Variants in MAN1A2 observed in about 807,000 individuals in gnomAD.
The protein encoded by MAN1A2 is mannosyl-oligosaccharide 1,2-alpha-mannosidase IB.
MAN1A2 carries 26 observed loss-of-function variants against 75.7 expected under a neutral mutation model. The ratio of observed to expected loss-of-function variants is 0.34; its 90% CI spans 0.25 to 0.48. The LOEUF is 0.48. MAN1A2 is among the 20% of genes least tolerant of loss of function. The pLI is 0.99. For synonymous variants in MAN1A2, 247 were observed against 264.6 expected, an observed-to-expected ratio of 0.93 and a Z score of 0.65; for missense variants, 562 against 775.5, an observed-to-expected ratio of 0.72 and a Z score of 3.27.
intron 8 of MAN1A2, among the ~76,000 whole-genome samples, chr1:117,479,777 A>AT (rs199787157): frequency 0.022 from 3,235 of 149,288 alleles, 117 homozygotes; most frequent in African/African-American, 0.074. Context: ...ATTGTGCATT[A>AT]TTTTTTTTTG....
At chr1:117,416,147 G>C (rs1164110293) in intron 4 of MAN1A2, among the ~76,000 whole-genome samples, 2 of 151,896 alleles carry the variant, frequency 1.3e-5, no homozygotes, top group Admixed American at 6.6e-5. Flanking sequence ...GGATGAAGTA[G>C]GCCACTATTA....
intron 6 of MAN1A2, among the ~76,000 whole-genome samples, chr1:117,446,679 A>C (rs903188522): frequency 6.6e-6 from 1 of 151,384 alleles, no homozygotes; most frequent in African/African-American, 2.5e-5. Context: ...ATTTATTACA[A>C]CTTGTTTATA....
At chr1:117,439,562 C>G (rs192028238) in intron 5 of MAN1A2, among the ~76,000 whole-genome samples, 1 of 151,660 alleles carries the variant, frequency 6.6e-6, no homozygotes. Flanking sequence ...GGCGTGATCT[C>G]GGTTCACTGC....
intron 2 of MAN1A2, among the ~76,000 whole-genome samples, chr1:117,405,335 CTT>C (rs775699787): frequency 3.3e-5 from 5 of 151,914 alleles, no homozygotes; most frequent in Admixed American, 1.3e-4. Context: ...AGAAAGAAGA[CTT>C]TTCTATTATG....
chr1:117,464,242 C>G (rs570596923), intron 7 of MAN1A2, among the ~76,000 whole-genome samples: 8 of 151,686 alleles, frequency 5.3e-5, no homozygotes, highest in Non-Finnish European at 1.0e-4. Flanking sequence ...CCTGTACTCC[C>G]CAGCTACTTG....
intron 8 of MAN1A2, among the ~76,000 whole-genome samples, chr1:117,474,014 C>T (rs1191782137): frequency 2.0e-5 from 3 of 151,790 alleles, no homozygotes; most frequent in African/African-American, 2.4e-5. Flanking sequence ...ATGGTGAAAA[C>T]GGTAAATTTG....
At chr1:117,480,334 C>T (rs972318789) in intron 8 of MAN1A2, among the ~76,000 whole-genome samples, 1 of 151,852 alleles carries the variant, frequency 6.6e-6, no homozygotes, top group Admixed American at 6.6e-5. Flanking sequence ...GTGCCTTTGC[C>T]TGAAAATTTT....
intron 1 of MAN1A2, among the ~76,000 whole-genome samples, chr1:117,371,407 G>C (rs146459739): frequency 1.3e-5 from 2 of 152,150 alleles, no homozygotes; most frequent in Non-Finnish European, 2.9e-5. Context: ...TGAATGTTAC[G>C]AAGTTGTACT....
At chr1:117,436,227 C>T (rs1316157007) in intron 5 of MAN1A2, among the ~76,000 whole-genome samples, 1 of 152,146 alleles carries the variant, frequency 6.6e-6, no homozygotes, top group East Asian at 1.9e-4. Context: ...ATAGAGGTGG[C>T]TCCTACAGGA....
chr1:117,511,958 GT>G (rs1380150675), intron 12 of MAN1A2, among the ~76,000 whole-genome samples: 2 of 152,072 alleles, frequency 1.3e-5, no homozygotes, highest in African/African-American at 4.8e-5. Context: ...AGTATTAAAT[GT>G]TTGCTGAATA....
At chr1:117,379,578 C>T (rs1653263814) in intron 1 of MAN1A2, among the ~76,000 whole-genome samples, 1 of 152,124 alleles carries the variant, frequency 6.6e-6, no homozygotes, top group Admixed American at 6.5e-5. Flanking sequence ...AGTTCAAAAG[C>T]ATTTTCATTA....
chr1:117,417,554 TATATGTG>T (rs1648039049), intron 4 of MAN1A2, among the ~76,000 whole-genome samples: 1 of 142,560 alleles, frequency 7.0e-6, no homozygotes, highest in African/African-American at 2.6e-5. Context: ...TATATATATA[TATATGTG>T]ATATATATGT....
At chr1:117,392,896 G>A (rs1179351242) in intron 1 of MAN1A2, among the ~76,000 whole-genome samples, 1 of 152,204 alleles carries the variant, frequency 6.6e-6, no homozygotes, top group African/African-American at 2.4e-5. Flanking sequence ...ATAAAAGCTT[G>A]AGGTTCTGTG....
At chr1:117,487,333 G>T (rs753810095) in intron 8 of MAN1A2, among the ~76,000 whole-genome samples, 24 of 152,008 alleles carry the variant, frequency 1.6e-4, no homozygotes, top group Admixed American at 5.3e-4. Flanking sequence ...CCTAGAAAAT[G>T]ACCAGATTGG....
intron 3 of MAN1A2, among the ~76,000 whole-genome samples, chr1:117,408,800 C>T (rs1316008533): frequency 6.6e-6 from 1 of 151,274 alleles, no homozygotes; most frequent in Non-Finnish European, 1.5e-5. Context: ...GGTTTTTAAA[C>T]TACAAACTTA....
rs200021453 is a variant in MAN1A2 at position 117,402,461 on chromosome 1, G to A, written c.558+20G>A. On this transcript the variant is annotated intron_variant, in intron 2 of 12. Transcript: ENST00000356554. The stretch of plus-strand genomic sequence containing the variant: ...AAAGAGGTAATAAGCTGAGTTTTGT[G>A]ATATGGAGTGTTTATGGATTTGTAT... 1 of 1,568,808 alleles carries A rather than the reference G, an allele frequency of 6.4e-7. No homozygotes were observed. The highest frequency in any genetic ancestry group is 2.2e-5 in the East Asian group (1 of 44,656).
At chr1:117,419,879 A>G (rs1237492994) in intron 4 of MAN1A2, among the ~76,000 whole-genome samples, 2 of 151,954 alleles carry the variant, frequency 1.3e-5, no homozygotes, top group South Asian at 2.1e-4. Flanking sequence ...CATGTCTGTC[A>G]TCAATTTATC....
At chr1:117,457,741 C>T (rs1356364448) in intron 6 of MAN1A2, among the ~76,000 whole-genome samples, 1 of 152,058 alleles carries the variant, frequency 6.6e-6, no homozygotes, top group Non-Finnish European at 1.5e-5. Context: ...ATGCTTTATT[C>T]CTTAAGTATT....
Position 117,373,571 on chromosome 1 carries a change from A to G in MAN1A2, c.302+5086A>G, listed in dbSNP as rs115906734. On this transcript the variant is annotated intron_variant, in intron 1 of 12. Transcript: ENST00000356554. ...CAGTTCACTATAGTCTCAAACTCCT[A>G]TGCTGAAGTGATCCTCCTGTCTTAG... Among the ~76,000 whole-genome samples the G allele has an allele frequency of 4.7e-3, 689 of 147,860 alleles. 7 individuals carry two copies. Among genetic ancestry groups the G allele is most frequent in the African/African-American group, 0.017 (665 of 39,766 alleles).
Sources: allele counts gnomAD v4.1 joint callset (sites outside exome capture counted in the v4.1 genomes callset), GRCh38; gene constraint gnomAD v4.1.1; transcripts MANE v1.5; gene names NCBI Gene and HGNC (gene_info 2026-07-23, HGNC 2026-07-21).